The following SBF2 variants were observed in gnomAD, a reference collection of about 807,000 sequenced individuals.
SBF2 encodes the protein SET binding factor 2, also known as myotubularin-related protein 13.
In SBF2, 112 loss-of-function variants were observed where a neutral mutation model predicts 225.2. The observed-to-expected ratio is 0.50, with a 90% CI of 0.43 to 0.58. SBF2 has a LOEUF of 0.58. SBF2 is among the 20% of genes least tolerant of loss of function. The pLI is 0.00. For missense variants in SBF2, 1,996 were observed against 2,206.2 expected (o/e 0.90, Z 1.91); for synonymous variants, 763 against 773.3 (o/e 0.99, Z 0.22).
intron 2 of SBF2, among the ~76,000 whole-genome samples, chr11:10,082,449 T>C (rs1951405073): frequency 6.6e-6 from 1 of 151,896 alleles, no homozygotes; most frequent in South Asian, 2.1e-4. Context: ...AAACTACATA[T>C]CAATATCCCT....
At chr11:10,121,361 C>G (rs1381653691) in intron 2 of SBF2, among the ~76,000 whole-genome samples, 1 of 152,184 alleles carries the variant, frequency 6.6e-6, no homozygotes, top group East Asian at 1.9e-4. Context: ...TTTCTATATT[C>G]TTTCAATCCA....
chr11:9,929,690 A>C (rs1342247999), intron 16 of SBF2, among the ~76,000 whole-genome samples: 1 of 152,208 alleles, frequency 6.6e-6, no homozygotes, highest in East Asian at 1.9e-4. Flanking sequence ...ATTGGGCTAC[A>C]AAGTGCTGCC....
chr11:10,206,801 G>T (rs781522952), intron 1 of SBF2, among the ~76,000 whole-genome samples: 3 of 151,926 alleles, frequency 2.0e-5, no homozygotes, highest in Non-Finnish European at 4.4e-5. Context: ...CTGAACAACG[G>T]AGAGAAAACA....
intron 2 of SBF2, among the ~76,000 whole-genome samples, chr11:10,091,786 G>A (rs1413600103): frequency 6.6e-6 from 1 of 152,054 alleles, no homozygotes; most frequent in Non-Finnish European, 1.5e-5. Context: ...ACATAATTTT[G>A]TGGTTTCCTG....
At chr11:10,097,857 T>C (rs1365969619) in intron 2 of SBF2, among the ~76,000 whole-genome samples, 2 of 152,162 alleles carry the variant, frequency 1.3e-5, no homozygotes, top group Non-Finnish European at 2.9e-5. Flanking sequence ...AGTGAGTTCC[T>C]GTCTTCTACA....
At chr11:10,296,378 C>T (rs1013072197), upstream of SBF2, among the ~76,000 whole-genome samples, 2 of 152,078 alleles carry the variant, frequency 1.3e-5, no homozygotes, top group African/African-American at 2.4e-5. Context: ...TTCCACATGG[C>T]GGAAGGCAAG....
At chr11:9,796,035 T>G in intron 32 of SBF2, 78 bp from the exon 33 acceptor site, 2 of 1,405,206 alleles carry the variant, frequency 1.4e-6, no homozygotes. Flanking sequence ...AAGGCTTAAC[T>G]GAAACATGCA....
At chr11:10,004,982 C>T (rs1333238537) in intron 6 of SBF2, among the ~76,000 whole-genome samples, 1 of 152,128 alleles carries the variant, frequency 6.6e-6, no homozygotes, top group Non-Finnish European at 1.5e-5. Flanking sequence ...CAGACATGAG[C>T]AGGGAAGGAG....
chr11:9,799,206 G>C (rs1853333775), intron 32 of SBF2, among the ~76,000 whole-genome samples: 1 of 152,158 alleles, frequency 6.6e-6, no homozygotes. Context: ...CAGATTAAAA[G>C]TGAAACGTCT....
At chr11:9,913,528 C>T (rs2134195313) in intron 16 of SBF2, among the ~76,000 whole-genome samples, 1 of 152,064 alleles carries the variant, frequency 6.6e-6, no homozygotes, top group Non-Finnish European at 1.5e-5. Context: ...TATGCATATC[C>T]TATGACCTAG....
At chr11:9,980,746 T>C (rs1332257708) in intron 13 of SBF2, among the ~76,000 whole-genome samples, 1 of 151,942 alleles carries the variant, frequency 6.6e-6, no homozygotes, top group African/African-American at 2.4e-5. Flanking sequence ...GCCCGGCTAA[T>C]TTTTTGTATT....
intron 2 of SBF2, among the ~76,000 whole-genome samples, chr11:10,090,999 A>T (rs1951762709): frequency 6.6e-6 from 1 of 152,156 alleles, no homozygotes; most frequent in Admixed American, 6.5e-5. Flanking sequence ...GGTATCTGAG[A>T]AATAATTTTT....
At chr11:9,973,524 G>C (rs1021774884) in intron 13 of SBF2, among the ~76,000 whole-genome samples, 5 of 152,166 alleles carry the variant, frequency 3.3e-5, no homozygotes, top group African/African-American at 1.2e-4. Context: ...TTTACATTTT[G>C]AATTTGGATA....
intron 2 of SBF2, among the ~76,000 whole-genome samples, chr11:10,046,594 G>C (rs1377496230): frequency 6.6e-6 from 1 of 151,140 alleles, no homozygotes; most frequent in Non-Finnish European, 1.5e-5. Flanking sequence ...CAGTACACTA[G>C]AAGTAGAGGG....
At chr11:10,277,477 A>G (rs1331625354) in intron 1 of SBF2, among the ~76,000 whole-genome samples, 1 of 152,232 alleles carries the variant, frequency 6.6e-6, no homozygotes, top group Non-Finnish European at 1.5e-5. Flanking sequence ...CTATCCAGAT[A>G]GATTTCCTAA....
chr11:9,934,037 G>A (rs7125856), intron 16 of SBF2, among the ~76,000 whole-genome samples: 42,172 of 151,884 alleles, frequency 0.28, 6,886 homozygotes, highest in African/African-American at 0.46. Context: ...AGCTGAGATT[G>A]TGCCATGGCA....
At chr11:10,206,932 T>G (rs546551147) in intron 1 of SBF2, among the ~76,000 whole-genome samples, 3 of 152,088 alleles carry the variant, frequency 2.0e-5, no homozygotes, top group African/African-American at 7.2e-5. Context: ...TAAAAGAATA[T>G]TCAAAGAAAT....
chr11:10,055,869 T>C (rs899952256), intron 2 of SBF2, among the ~76,000 whole-genome samples: 1 of 152,044 alleles, frequency 6.6e-6, no homozygotes, highest in African/African-American at 2.4e-5. Flanking sequence ...ATCCCAGACT[T>C]TACCATGATA....
intron 1 of SBF2, among the ~76,000 whole-genome samples, chr11:10,257,463 C>G (rs1056422523): frequency 5.3e-5 from 8 of 151,904 alleles, no homozygotes; most frequent in African/African-American, 1.4e-4. Context: ...CTCAGAAGTT[C>G]AGGATCACCT....
Sources: gnomAD v4.1 joint callset for allele counts (sites outside exome capture counted in the v4.1 genomes callset) on GRCh38, gnomAD v4.1.1 for gene constraint, MANE v1.5 for transcripts, NCBI Gene and HGNC (gene_info 2026-07-23, HGNC 2026-07-21) for gene names.